The following PMFBP1 variants were observed in gnomAD, a reference collection of about 807,000 sequenced individuals.
PMFBP1 encodes polyamine-modulated factor 1-binding protein 1.
Under a neutral mutation model 137.8 loss-of-function variants are expected in PMFBP1, and 131 were observed. That is an observed-to-expected ratio of 0.95 (90% CI 0.82 to 1.10). The LOEUF (loss-of-function observed/expected upper bound fraction) is 1.10. PMFBP1 is among the 50% of genes least tolerant of loss of function. The probability of loss-of-function intolerance (pLI) is 0.00; values close to 1 mark genes in which losing one functional copy is unlikely to be tolerated. For missense variants in PMFBP1, 1,199 were observed against 1,175.4 expected, an observed-to-expected ratio of 1.02 and a Z score of -0.29; for synonymous variants, 490 against 450.4, an observed-to-expected ratio of 1.09 and a Z score of -1.11.
the PMFBP1 span, among the ~76,000 whole-genome samples, chr16:72,204,482 C>T: frequency 3.1e-3 from 474 of 152,210 alleles, 3 homozygotes; most frequent in African/African-American, 0.011. Context: ...GGATTACAGG[C>T]GTGAGCCACC....
At chr16:72,208,163 C>G in the PMFBP1 span, among the ~76,000 whole-genome samples, 1 of 152,192 alleles carries the variant, frequency 6.6e-6, no homozygotes, top group Non-Finnish European at 1.5e-5. Flanking sequence ...TACACACACC[C>G]AAGATAATGT....
At chr16:72,149,216 C>G (rs924475205) in intron 5 of PMFBP1, among the ~76,000 whole-genome samples, 2 of 152,220 alleles carry the variant, frequency 1.3e-5, no homozygotes, top group African/African-American at 2.4e-5. Context: ...CGTTATCTCC[C>G]TACCCATCAG....
chr16:72,162,666 T>C (rs1331682034), intron 3 of PMFBP1, among the ~76,000 whole-genome samples: 1 of 152,232 alleles, frequency 6.6e-6, no homozygotes, highest in South Asian at 2.1e-4. Flanking sequence ...CACTAAGTGC[T>C]AGGGGAAAAA....
chr16:72,140,458 T>A lies in PMFBP1; in HGVS notation c.761A>T (p.Asp254Val), dbSNP rs2042700373. 4 of 1,614,116 alleles carry A rather than the reference T, an allele frequency of 2.5e-6. No individual in the cohort carries two copies. In the African/African-American group the frequency reaches 4.0e-5, roughly 16 times the overall value. ...CTTATTTCGAAGTTCTTGAATGAGA[T>A]CATCCTGTTGAGAGACCTTTTGCCA... is the stretch of plus-strand genomic sequence containing the variant. ...EVWQKVSQQD[D>V]LIQELRNKLA... The change falls in exon 6 of 21, where the codon GAT becomes GTT. Residue 254 changes from aspartate to valine, a missense_variant. Asp to Val is a radical substitution (Grantham distance 152). Transcript: ENST00000237353.
At chr16:72,128,970 CTG>C in intron 13 of PMFBP1, 94 bp downstream of exon 13, 2 of 1,532,580 alleles carry the variant, frequency 1.3e-6, no homozygotes, top group South Asian at 2.6e-5. Flanking sequence ...TTCCTAAGCT[CTG>C]AGCATCCAGG....
chr16:72,247,240 C>T, the PMFBP1 span, among the ~76,000 whole-genome samples: 5 of 152,224 alleles, frequency 3.3e-5, no homozygotes, highest in African/African-American at 4.8e-5. Context: ...GTTAAGTGTG[C>T]TTAAATGCAA....
At chr16:72,197,012 A>C in the PMFBP1 span, among the ~76,000 whole-genome samples, 1 of 152,238 alleles carries the variant, frequency 6.6e-6, no homozygotes, top group Non-Finnish European at 1.5e-5. Context: ...CCTTGGGAAC[A>C]TGCATTTTAA....
At chr16:72,234,814 T>C in the PMFBP1 span, among the ~76,000 whole-genome samples, 3 of 152,214 alleles carry the variant, frequency 2.0e-5, no homozygotes, top group African/African-American at 7.2e-5. Flanking sequence ...CATGTTTTTA[T>C]GTGCTTATTG....
the PMFBP1 span, among the ~76,000 whole-genome samples, chr16:72,190,560 G>T: frequency 6.6e-6 from 1 of 152,170 alleles, no homozygotes; most frequent in South Asian, 2.1e-4. Context: ...AGGGGAGAGA[G>T]AGAAAAGAAA....
In PMFBP1 at chr16:72,164,799, G is replaced by C. The variant is rs746971840; in HGVS notation, c.130C>G (p.Gln44Glu). The C allele has an allele frequency of 6.2e-7, 1 of 1,605,700 alleles. No individual in the cohort carries two copies. The highest frequency in any genetic ancestry group is 8.5e-7 in the Non-Finnish European group (1 of 1,173,090). The change falls in exon 3 of 21, where the codon CAG becomes GAG. Residue 44 changes from glutamine (Q) to glutamate (E), a missense_variant. Coordinates refer to ENST00000237353, the MANE Select transcript of PMFBP1 (RefSeq NM_031293.3). ...TTCATTGCCTCCTCCATGCAGAGCT[G>C]ATTGTCCTGCAAGGTCTTCCTCTGT... is the stretch of plus-strand genomic sequence containing the variant. Reference protein sequence around the residue: ...KRQRKTLQDNQLCMEEAMNSS... With the variant: ...KRQRKTLQDNELCMEEAMNSS...
In PMFBP1 at chr16:72,130,268, G is replaced by C. The variant is rs1378749248; in HGVS notation, c.1727C>G (p.Thr576Arg). 4 of 1,614,172 alleles carry C rather than the reference G, an allele frequency of 2.5e-6. No individual in the cohort carries two copies. Among genetic ancestry groups the C allele is most frequent in the Non-Finnish European group, 3.4e-6 (4 of 1,180,042 alleles). ...CATTTTCATATCCTGCTCAGCCACT[G>C]TCTTCTGAAGCTGCCTCTTTTCCTT... ...SDKEKRQLQK[T>R]VAEQDMKMND... Residue 576 changes from threonine to arginine, a missense_variant, in exon 12 of 21, where the codon ACA (threonine) becomes AGA (arginine). Transcript: ENST00000237353.
intron 3 of PMFBP1, among the ~76,000 whole-genome samples, chr16:72,155,960 A>AT (rs1353199357): frequency 6.6e-6 from 1 of 151,964 alleles, no homozygotes; most frequent in Non-Finnish European, 1.5e-5. Flanking sequence ...ATAATATGTC[A>AT]TTTTTTGGCT....
upstream of PMFBP1, among the ~76,000 whole-genome samples, chr16:72,174,545 G>A (rs1316236513): frequency 3.9e-5 from 6 of 152,182 alleles, no homozygotes; most frequent in Non-Finnish European, 8.8e-5. Context: ...TAGGCCACAT[G>A]TACTAGTATT....
rs2043119535 is a variant in PMFBP1, at chr16:72,164,766, GGCT to G, written c.160_162del (p.Ser54del). On this transcript the variant is annotated inframe_deletion, in exon 3 of 21. Transcript: ENST00000237353. ...GCGGCTGCTGCCAAGTCCCTTACGT[GGCT>G]GCTGTTCATTGCCTCCTCCATGCAG... 1 of 1,586,714 alleles carries G rather than the reference GGCT, an allele frequency of 6.3e-7. No homozygotes were observed. The highest frequency in any genetic ancestry group is 8.6e-7 in the Non-Finnish European group (1 of 1,159,818).
chr16:72,208,786 C>T, the PMFBP1 span, among the ~76,000 whole-genome samples: 4 of 152,160 alleles, frequency 2.6e-5, no homozygotes, highest in East Asian at 3.9e-4. Flanking sequence ...GGAAGTACAC[C>T]TTTCAGGCAT....
chr16:72,147,121 C>T (rs1187798397), intron 5 of PMFBP1, among the ~76,000 whole-genome samples: 5 of 152,200 alleles, frequency 3.3e-5, no homozygotes, highest in African/African-American at 1.2e-4. Context: ...TGACTTCAAA[C>T]TATATTACAA....
At chr16:72,220,892 G>A in the PMFBP1 span, among the ~76,000 whole-genome samples, 12 of 152,042 alleles carry the variant, frequency 7.9e-5, no homozygotes, top group Non-Finnish European at 1.8e-4. Flanking sequence ...GGGAAAGGTC[G>A]ATCAACCTAG....
the PMFBP1 span, among the ~76,000 whole-genome samples, chr16:72,200,064 C>CA: frequency 6.6e-6 from 1 of 152,252 alleles, no homozygotes; most frequent in Non-Finnish European, 1.5e-5. Context: ...AACTACATGG[C>CA]AAGCTGTTGG....
chr16:72,134,364 T>G (rs772451428), intron 9 of PMFBP1, among the ~76,000 whole-genome samples: 2 of 152,182 alleles, frequency 1.3e-5, no homozygotes, highest in Admixed American at 6.5e-5. Context: ...AACATTTTTT[T>G]GCAGAGATGG....
Sources: allele counts gnomAD v4.1 joint callset (sites outside exome capture counted in the v4.1 genomes callset), GRCh38; gene constraint gnomAD v4.1.1; transcripts MANE v1.5; gene names NCBI Gene and HGNC (gene_info 2026-07-23, HGNC 2026-07-21).